DNAH6: variants seen among roughly 807,000 people sequenced by gnomAD.
DNAH6 encodes axonemal beta dynein heavy chain 6.
In DNAH6, 340 loss-of-function variants were observed where a neutral mutation model predicts 491.4. That is an observed-to-expected ratio of 0.69 (90% CI 0.63 to 0.76). The LOEUF is 0.76. DNAH6 is among the 30% of genes least tolerant of loss of function. The pLI is 0.00. For missense variants in DNAH6, 4,443 were observed against 4,972.2 expected, an observed-to-expected ratio of 0.89 and a Z score of 3.20; for synonymous variants, 1,603 against 1,686.1, an observed-to-expected ratio of 0.95 and a Z score of 1.21.
chr2:84,681,194 CA>C (rs1404644282), intron 41 of DNAH6, among the ~76,000 whole-genome samples, 162 bp from the exon 42 acceptor site: 1 of 152,144 alleles, frequency 6.6e-6, no homozygotes, highest in African/African-American at 2.4e-5. Context: ...AGCGCATTCT[CA>C]AGAATGTTTT....
At chr2:84,568,223 G>T (rs1051319985) in intron 11 of DNAH6, among the ~76,000 whole-genome samples, 3 of 152,092 alleles carry the variant, frequency 2.0e-5, no homozygotes, top group African/African-American at 7.2e-5. Context: ...TCATTACCGG[G>T]TATATACCCA....
At position 84,547,487 on chromosome 2, in the gene DNAH6, T is replaced by G; in HGVS notation, c.1066-5T>G. On this transcript the variant is annotated splice_polypyrimidine_tract_variant and splice_region_variant and intron_variant, in intron 6 of 76. Coordinates refer to ENST00000389394, the MANE Select transcript of DNAH6 (RefSeq NM_001370.2). ...CACTAACTGTACATATTCAACAATA[T>G]CTAGGTGACAGAACGCCTAGGAGAA... The G allele has an allele frequency of 6.4e-7, 1 of 1,551,650 alleles. No homozygotes were observed. Among genetic ancestry groups the G allele is most frequent in the African/African-American group, 1.4e-5 (1 of 73,154 alleles).
chr2:84,756,131 T>A (rs543003131), intron 63 of DNAH6, among the ~76,000 whole-genome samples: 1 of 152,356 alleles, frequency 6.6e-6, no homozygotes, highest in African/African-American at 2.4e-5. Context: ...GAAAATGGAC[T>A]CATACACTAT....
intron 72 of DNAH6, 78 bp downstream of exon 72, chr2:84,808,620 T>C (rs920241094): frequency 7.0e-7 from 1 of 1,420,214 alleles, no homozygotes; most frequent in Non-Finnish European, 9.7e-7. Context: ...ATTCTTCCAT[T>C]CCCATCACTT....
chr2:84,531,325 CT>C lies in DNAH6; in HGVS notation c.662+2170del, dbSNP rs1169171696. ...TTTGGGGGCCTCAAGATTTATTTTC[CT>C]TTTTTTTTTTATTTTTTATTTTTTT... On this transcript the variant is annotated intron_variant, in intron 4 of 76. Transcript: ENST00000389394. Among the ~76,000 whole-genome samples, 7 of 20,096 alleles carry C rather than the reference CT, an allele frequency of 3.5e-4. 1 individual carries two copies. Among genetic ancestry groups the C allele is most frequent in the Admixed American group, 7.4e-4 (1 of 1,356 alleles). The allele number at this position is 20,096 out of a possible 152,430, so 13.2% of individuals were successfully genotyped here.
intron 11 of DNAH6, among the ~76,000 whole-genome samples, chr2:84,569,151 T>G (rs1681522154): frequency 6.6e-6 from 1 of 152,026 alleles, no homozygotes; most frequent in African/African-American, 2.4e-5. Flanking sequence ...GAAAAATTAT[T>G]GAATAATCTA....
chr2:84,556,996 A>G (rs534661129), intron 10 of DNAH6, among the ~76,000 whole-genome samples: 14 of 152,358 alleles, frequency 9.2e-5, no homozygotes, highest in African/African-American at 3.1e-4. Flanking sequence ...TAATATGAGA[A>G]ATACTGCAGT....
intron 64 of DNAH6, chr2:84,777,424 C>T (rs1676243914): frequency 6.9e-6 from 4 of 578,382 alleles, no homozygotes; most frequent in East Asian, 3.3e-5. Flanking sequence ...CATAGAGACC[C>T]TTAATCATGG....
intron 4 of DNAH6, among the ~76,000 whole-genome samples, chr2:84,534,524 C>T (rs897531456): frequency 6.6e-6 from 1 of 152,038 alleles, no homozygotes; most frequent in Non-Finnish European, 1.5e-5. Flanking sequence ...CTCAGTTTAT[C>T]AGCAAAACTC....
chr2:84,712,641 A>G (rs191548194), intron 56 of DNAH6, among the ~76,000 whole-genome samples: 21 of 152,314 alleles, frequency 1.4e-4, no homozygotes, highest in African/African-American at 2.2e-4. Context: ...TACAACCCTT[A>G]AAAAGGTAAA....
intron 32 of DNAH6, among the ~76,000 whole-genome samples, chr2:84,640,818 T>C (rs1350027241): frequency 6.6e-6 from 1 of 152,212 alleles, no homozygotes; most frequent in East Asian, 1.9e-4. Flanking sequence ...GATCCCCAGC[T>C]AGGCTTAGGA....
chr2:84,613,130 T>TAA (rs1023165680), intron 22 of DNAH6, among the ~76,000 whole-genome samples: 5 of 150,440 alleles, frequency 3.3e-5, no homozygotes, highest in African/African-American at 1.2e-4. Flanking sequence ...GGTAAATTGG[T>TAA]GAGAGAGAGA....
chr2:84,765,176 A>T (rs918492277), intron 64 of DNAH6, among the ~76,000 whole-genome samples: 9 of 152,078 alleles, frequency 5.9e-5, no homozygotes, highest in Admixed American at 3.3e-4. Flanking sequence ...ATATTTTTTT[A>T]AAAAGTGTAA....
At position 84,553,003 on chromosome 2, in the gene DNAH6, T is replaced by A; in HGVS notation, c.1571T>A (p.Leu524Gln). 1.2e-6 allele frequency: 2 copies of A among 1,608,922 alleles called. No individual in the cohort carries two copies. Among genetic ancestry groups the A allele is most frequent in the Non-Finnish European group, 1.7e-6 (2 of 1,177,096 alleles). Residue 524 changes from leucine (L) to glutamine (Q), a missense_variant, in exon 10 of 77, where the codon CTG becomes CAG. Around this residue, in one of 3 missense-constraint regions of DNAH6, gnomAD observed 2,977 missense variants for 3,296.6 expected, o/e 0.90. Coordinates refer to ENST00000389394, the MANE Select transcript of DNAH6 (RefSeq NM_001370.2). ...GAACTAATGTTGACAGTCCAGTCAC[T>A]GCTCTTTGAGCCTTCTCTGGAAGAC... Reference protein sequence around the residue: ...LTELMLTVQSLLFEPSLEDFL... With the variant: ...LTELMLTVQSQLFEPSLEDFL...
chr2:84,554,907 T>A (rs1462958502), intron 10 of DNAH6, among the ~76,000 whole-genome samples: 1 of 152,230 alleles, frequency 6.6e-6, no homozygotes, highest in Non-Finnish European at 1.5e-5. Flanking sequence ...AAAAACTGGA[T>A]ACCCTTCTCA....
chr2:84,608,298 A>G (rs908899083), intron 21 of DNAH6, among the ~76,000 whole-genome samples: 1 of 6,718 alleles, frequency 1.5e-4, no homozygotes, highest in Non-Finnish European at 8.7e-4. Context: ...TTTCAATGGC[A>G]TCTAGAATAA....
intron 37 of DNAH6, among the ~76,000 whole-genome samples, chr2:84,668,709 G>A (rs776584751): frequency 4.6e-5 from 7 of 151,862 alleles, no homozygotes; most frequent in East Asian, 3.9e-4. Flanking sequence ...TGACTCCAGC[G>A]TGTTCTTCAA....
chr2:84,698,044 G>A (rs886239718), intron 47 of DNAH6, among the ~76,000 whole-genome samples: 16 of 151,996 alleles, frequency 1.1e-4, no homozygotes, highest in Non-Finnish European at 1.8e-4. Context: ...TACCTGTGGC[G>A]GGCTGAAGGC....
intron 33 of DNAH6, among the ~76,000 whole-genome samples, chr2:84,648,899 A>G (rs1353822157): frequency 6.6e-6 from 1 of 152,256 alleles, no homozygotes; most frequent in African/African-American, 2.4e-5. Context: ...ATCAAACAGC[A>G]TCACATGCTA....
Sources: allele counts gnomAD v4.1 joint callset (sites outside exome capture counted in the v4.1 genomes callset), GRCh38; gene constraint gnomAD v4.1.1; regional missense constraint gnomAD v4.1.1; transcripts MANE v1.5; gene names NCBI Gene and HGNC (gene_info 2026-07-23, HGNC 2026-07-21).